Variants in MET observed in about 807,000 individuals in gnomAD.
MET encodes the protein MET proto-oncogene, receptor tyrosine kinase.
MET carries 48 observed loss-of-function variants against 133.1 expected under a neutral mutation model. The observed-to-expected ratio is 0.36, with a 90% CI of 0.29 to 0.46. The LOEUF is 0.46. Among genes scored for constraint, MET ranks in the 20% least tolerant of loss-of-function variants. The probability of loss-of-function intolerance (pLI) is 1.00; values close to 1 mark genes in which losing one functional copy is unlikely to be tolerated. For synonymous variants in MET, 628 were observed against 616.5 expected (o/e 1.02, Z -0.28); for missense variants, 1,442 against 1,695.9 (o/e 0.85, Z 2.63).
At chr7:116,691,471 G>T (rs1249710422) in intron 1 of MET, among the ~76,000 whole-genome samples, 1 of 152,094 alleles carries the variant, frequency 6.6e-6, no homozygotes, top group Non-Finnish European at 1.5e-5. Context: ...GACATTGTTA[G>T]CTCAGGACCT....
At position 116,797,552 on chromosome 7, in the gene MET, G is replaced by A. The variant is rs1621; in HGVS notation, c.*1428G>A. On this transcript the variant is annotated 3_prime_UTR_variant, in exon 21 of 21. Transcript: ENST00000397752. ...CTTCATTCTGTGGAATTTTGTGCTT[G>A]CTACTGTATAGTGCATGTGGTGTAG... The A allele has an allele frequency of 0.66, 150,263 of 227,786 alleles. 50,325 individuals carry two copies. Among genetic ancestry groups the A allele is most frequent in the East Asian group, 0.87 (13,683 of 15,794 alleles). The allele number at this position is 227,786 out of a possible 1,614,324, so 14.1% of individuals were successfully genotyped here. A position where few individuals can be genotyped will look rare whatever the true frequency, so the allele number is the denominator to read the frequency against.
At chr7:116,711,278 A>G (rs762511653) in intron 2 of MET, among the ~76,000 whole-genome samples, 32 of 152,330 alleles carry the variant, frequency 2.1e-4, no homozygotes, top group Non-Finnish European at 3.7e-4. Flanking sequence ...AAAACCCTCA[A>G]TTGGGATTAA....
chr7:116,730,345 G>T (rs1792954514), intron 2 of MET, among the ~76,000 whole-genome samples: 1 of 152,208 alleles, frequency 6.6e-6, no homozygotes, highest in Non-Finnish European at 1.5e-5. Flanking sequence ...GCCGGATGAT[G>T]GGAAGGGAGC....
chr7:116,743,006 G>A (rs1374949048), intron 5 of MET, among the ~76,000 whole-genome samples: 1 of 152,216 alleles, frequency 6.6e-6, no homozygotes, highest in Non-Finnish European at 1.5e-5. Context: ...CAGAAGGCAG[G>A]TGATTTCTGC....
rs1286425611 is a variant in MET at position 116,719,706 on chromosome 7, A to C, written c.1201-11962A>C. Among the ~76,000 whole-genome samples, 3 of 152,140 alleles carry C rather than the reference A, an allele frequency of 2.0e-5. No homozygotes were observed. In the South Asian group the frequency reaches 6.2e-4, roughly 32 times the overall value. ...GGGATCCAGTTTCAGCTTTCTCCAT[A>C]TGGCTAGCCAGTTTTCCCAGCACCA... On this transcript the variant is annotated intron_variant, in intron 2 of 20. Coordinates refer to ENST00000397752, the MANE Select transcript of MET (RefSeq NM_000245.4).
At chr7:116,721,033 A>T (rs1792463767) in intron 2 of MET, among the ~76,000 whole-genome samples, 1 of 151,666 alleles carries the variant, frequency 6.6e-6, no homozygotes, top group Admixed American at 6.6e-5. Context: ...CTCTTTTTCT[A>T]TTGATTGGAA....
rs2116911353 is a variant in MET, at chr7:116,755,529, A to T, written c.1862+14A>T. ...CACGATGAATACGTAAGGATCTTAAAATGCTTTGCTGGGGTGTGCTTGGAA... is the reference window on the plus strand; with the variant it reads ...CACGATGAATACGTAAGGATCTTAATATGCTTTGCTGGGGTGTGCTTGGAA... On this transcript the variant is annotated intron_variant, in intron 6 of 20. Transcript: ENST00000397752. The T allele has an allele frequency of 6.2e-7, 1 of 1,614,030 alleles. No individual in the cohort carries two copies. Among genetic ancestry groups the T allele is most frequent in the Middle Eastern group, 1.7e-4 (1 of 6,052 alleles).
intron 2 of MET, among the ~76,000 whole-genome samples, chr7:116,708,951 G>A (rs1791896026): frequency 6.6e-6 from 1 of 152,188 alleles, no homozygotes; most frequent in East Asian, 1.9e-4. Context: ...TCAAGGGAAT[G>A]TGATGCTGAA....
At chr7:116,788,914 A>G (rs1795400127) in intron 19 of MET, among the ~76,000 whole-genome samples, 1 of 152,208 alleles carries the variant, frequency 6.6e-6, no homozygotes, top group Non-Finnish European at 1.5e-5. Flanking sequence ...GTGTCACTAC[A>G]CTGGAAATCA....
intron 19 of MET, among the ~76,000 whole-genome samples, chr7:116,788,092 T>C (rs2117082290): frequency 6.6e-6 from 1 of 152,300 alleles, no homozygotes; most frequent in East Asian, 1.9e-4. Context: ...ACATGTTGAA[T>C]GGTTCCATTT....
At chr7:116,754,384 A>T (rs1794041718) in intron 5 of MET, among the ~76,000 whole-genome samples, 1 of 152,222 alleles carries the variant, frequency 6.6e-6, no homozygotes, top group African/African-American at 2.4e-5. Context: ...CTTGGCTTAT[A>T]GAGCACATGA....
intron 10 of MET, among the ~76,000 whole-genome samples, chr7:116,762,639 C>T (rs1794442009): frequency 6.6e-6 from 1 of 152,108 alleles, no homozygotes; most frequent in Non-Finnish European, 1.5e-5. Context: ...TGGGCCCTAC[C>T]TTAGTTCCCA....
At chr7:116,793,280 T>C (rs1429395225) in intron 19 of MET, among the ~76,000 whole-genome samples, 1 of 151,884 alleles carries the variant, frequency 6.6e-6, no homozygotes, top group African/African-American at 2.4e-5. Context: ...GTTCAAGCGA[T>C]TGTCCTGCTT....
intron 1 of MET, among the ~76,000 whole-genome samples, chr7:116,696,184 T>G (rs527455120): frequency 1.2e-4 from 19 of 152,168 alleles, no homozygotes; most frequent in African/African-American, 4.6e-4. Flanking sequence ...TTTTCATTCT[T>G]TATCCTCCTT....
At chr7:116,716,284 GGAGAGAGA>G (rs564115135) in intron 2 of MET, among the ~76,000 whole-genome samples, 2,684 of 37,984 alleles carry the variant, frequency 0.071, 52 homozygotes, top group Admixed American at 0.088. Flanking sequence ...AGGGAGAGAG[GGAGAGAGA>G]GAGAGAGAGA....
chr7:116,783,501 C>T (rs1343401962), intron 19 of MET, 32 bp downstream of exon 19: 2 of 1,612,690 alleles, frequency 1.2e-6, no homozygotes, highest in Non-Finnish European at 1.7e-6. Flanking sequence ...AGTTTCTCCT[C>T]TTTTACTTTC....
intron 1 of MET, among the ~76,000 whole-genome samples, chr7:116,687,735 T>C (rs566790058): frequency 5.7e-4 from 87 of 152,198 alleles, no homozygotes; most frequent in Non-Finnish European, 8.2e-4. Context: ...TTCTCAGGTG[T>C]GAGCAAATAA....
At chr7:116,709,814 C>T (rs184512697) in intron 2 of MET, among the ~76,000 whole-genome samples, 1 of 152,168 alleles carries the variant, frequency 6.6e-6, no homozygotes, top group East Asian at 1.9e-4. Context: ...TATTTTTCTT[C>T]ATGTATTCAA....
chr7:116,691,024 T>A (rs1796764118), intron 1 of MET, among the ~76,000 whole-genome samples: 2 of 152,194 alleles, frequency 1.3e-5, no homozygotes, highest in Admixed American at 1.3e-4. Flanking sequence ...GGGCTAAGAT[T>A]TTTCCCTAAG....
Sources: gnomAD v4.1 joint callset for allele counts (sites outside exome capture counted in the v4.1 genomes callset) on GRCh38, gnomAD v4.1.1 for gene constraint, MANE v1.5 for transcripts, NCBI Gene and HGNC (gene_info 2026-07-23, HGNC 2026-07-21) for gene names.